The following HMGXB4 variants were observed in gnomAD, a reference collection of about 807,000 sequenced individuals.
HMGXB4 encodes the protein HMG-box containing 4.
A neutral mutation model predicts 63.9 loss-of-function variants in HMGXB4; 27 were observed. The ratio of observed to expected loss-of-function variants is 0.42; its 90% confidence interval spans 0.31 to 0.58. HMGXB4 has a LOEUF of 0.58. HMGXB4 is among the 20% of genes least tolerant of loss of function. The probability of loss-of-function intolerance (pLI) is 0.13; values close to 1 mark genes in which losing one functional copy is unlikely to be tolerated. For missense variants in HMGXB4, 624 were observed against 700.7 expected, an observed-to-expected ratio of 0.89 and a Z score of 1.24; for synonymous variants, 264 against 265.3, an observed-to-expected ratio of 0.99 and a Z score of 0.05.
the HMGXB4 span, among the ~76,000 whole-genome samples, chr22:35,252,011 T>TA: frequency 6.6e-5 from 10 of 152,154 alleles, no homozygotes; most frequent in African/African-American, 2.2e-4. Context: ...GGTCAGGAGT[T>TA]AGAGACCAGC....
At chr22:35,291,303 G>A (rs181002212) in intron 9 of HMGXB4, among the ~76,000 whole-genome samples, 15 of 152,054 alleles carry the variant, frequency 9.9e-5, no homozygotes, top group African/African-American at 2.7e-4. Context: ...TGTGTGTGGC[G>A]TGTGGTGTGT....
intron 5 of HMGXB4, among the ~76,000 whole-genome samples, chr22:35,266,288 T>C (rs1266883881): frequency 1.3e-5 from 2 of 152,192 alleles, no homozygotes; most frequent in Non-Finnish European, 2.9e-5. Flanking sequence ...ACTATCAAAA[T>C]TGGTAGAACA....
intron 5 of HMGXB4, among the ~76,000 whole-genome samples, chr22:35,280,847 G>T (rs929248964): frequency 4.6e-5 from 7 of 152,066 alleles, no homozygotes; most frequent in African/African-American, 1.7e-4. Context: ...CCAACTCTCT[G>T]GTTTAGATTA....
chr22:35,283,769 G>A (rs1392889733), intron 5 of HMGXB4, among the ~76,000 whole-genome samples, 193 bp from the exon 6 acceptor site: 3 of 148,842 alleles, frequency 2.0e-5, no homozygotes, highest in Non-Finnish European at 4.5e-5. Context: ...CAGCCTGGGC[G>A]ACAGAGTGAG....
At chr22:35,260,312 AAATCTATAT>A (rs555286671) in intron 1 of HMGXB4, among the ~76,000 whole-genome samples, 33 of 152,242 alleles carry the variant, frequency 2.2e-4, no homozygotes, top group Non-Finnish European at 4.3e-4. Flanking sequence ...CAGCCTATGA[AAATCTATAT>A]AATCTATATA....
At chr22:35,274,522 A>G (rs1185283858) in intron 5 of HMGXB4, among the ~76,000 whole-genome samples, 2 of 152,202 alleles carry the variant, frequency 1.3e-5, no homozygotes, top group African/African-American at 4.8e-5. Context: ...TTTATCTACT[A>G]TGTATCACTG....
chr22:35,256,875 G>T (rs1922437309), upstream of HMGXB4, among the ~76,000 whole-genome samples: 1 of 152,170 alleles, frequency 6.6e-6, no homozygotes, highest in Admixed American at 6.5e-5. Flanking sequence ...TGGCAAATCA[G>T]AAAAATTGTG....
rs138496840 is a variant in HMGXB4 at position 35,259,222 on chromosome 22, G to GT, written c.-69+1671dup. ...ATAAGTATACATTTTTATGGTACCA[G>GT]TTTTTTACTTGTATCAACAGTATGA... On this transcript the variant is annotated intron_variant, in intron 1 of 10. Coordinates refer to ENST00000216106, the MANE Select transcript of HMGXB4 (RefSeq NM_001003681.3). Among the ~76,000 whole-genome samples the GT allele has an allele frequency of 9.4e-4, 143 of 152,240 alleles. 2 individuals carry two copies. The East Asian group carries it at 0.027, about 29-fold the overall frequency.
At chr22:35,253,606 C>CGT (rs1438122092), upstream of HMGXB4, among the ~76,000 whole-genome samples, 2 of 149,238 alleles carry the variant, frequency 1.3e-5, no homozygotes, top group East Asian at 3.9e-4. Context: ...TTTGTGCGCG[C>CGT]GCGCGCGCGC....
Position 35,265,579 on chromosome 22 carries a change from C to T in HMGXB4, c.1191C>T (p.Asp397=). 1.3e-6 allele frequency: 2 copies of T among 1,590,808 alleles called. No homozygotes were observed. The highest frequency in any genetic ancestry group is 1.7e-6 in the Non-Finnish European group (2 of 1,170,790). Residue 397 remains aspartate, a synonymous_variant, in exon 5 of 11, where the codon GAC becomes GAT. Coordinates refer to ENST00000216106, the MANE Select transcript of HMGXB4 (RefSeq NM_001003681.3). ...AAAAAAAGAAAAAAGAAGAGAAGGA[C>T]AAAGAGAGAGAGAGAGGAGAAAAGG... ...SEKKKKKEEK[D]KERERGEKPK... is the part of the protein sequence containing the mutation.
chr22:35,274,064 C>G (rs1049932909), intron 5 of HMGXB4, among the ~76,000 whole-genome samples: 1 of 152,206 alleles, frequency 6.6e-6, no homozygotes, highest in African/African-American at 2.4e-5. Context: ...GATGAAGATA[C>G]AGTGTCTGCT....
At chr22:35,247,443 A>G in the HMGXB4 span, among the ~76,000 whole-genome samples, 4 of 152,068 alleles carry the variant, frequency 2.6e-5, no homozygotes, top group Non-Finnish European at 5.9e-5. Context: ...GCTGATCACT[A>G]TTTGCTGAAG....
intron 9 of HMGXB4, among the ~76,000 whole-genome samples, chr22:35,291,925 A>C (rs915447254): frequency 8.5e-5 from 13 of 152,144 alleles, no homozygotes; most frequent in Non-Finnish European, 1.9e-4. Flanking sequence ...GTTGACAAGG[A>C]GGATGAGGGA....
intron 1 of HMGXB4, 125 bp from the exon 2 acceptor site, chr22:35,262,198 A>G: frequency 1.6e-6 from 1 of 633,126 alleles, no homozygotes; most frequent in Non-Finnish European, 2.8e-6. Context: ...AGGAGGTGAC[A>G]AGACACTTTT....
At position 35,295,413 on chromosome 22, in the gene HMGXB4, C is replaced by T. The variant is rs1394710392; in HGVS notation, c.*1762C>T. 6.6e-6 allele frequency: 1 copy of T among 152,536 alleles called. No homozygotes were observed. The highest frequency in any genetic ancestry group is 1.9e-4 in the East Asian group (1 of 5,200). 9.4% of individuals were successfully genotyped at this position (152,536 alleles called of 1,614,324 possible). ...GTTAGAACATTGTACCATGCCTCTT[C>T]TGTATCTGTGGAAGTTTCCTGTTTG... On this transcript the variant is annotated 3_prime_UTR_variant, in exon 11 of 11. Transcript: ENST00000216106.
chr22:35,258,403 A>G (rs1463746927), intron 1 of HMGXB4: 1 of 152,168 alleles, frequency 6.6e-6, no homozygotes, highest in Non-Finnish European at 1.5e-5. Flanking sequence ...AAAAAACTGA[A>G]TCCCAAATAA....
intron 3 of HMGXB4, among the ~76,000 whole-genome samples, 198 bp from the exon 4 acceptor site, chr22:35,263,598 C>G (rs1308099779): frequency 6.6e-6 from 1 of 152,192 alleles, no homozygotes; most frequent in Non-Finnish European, 1.5e-5. Flanking sequence ...TAAACTACTT[C>G]TTACCATATT....
intron 2 of HMGXB4, chr22:35,262,738 A>G: frequency 1.9e-6 from 1 of 518,890 alleles, no homozygotes; most frequent in Non-Finnish European, 3.4e-6. Flanking sequence ...GGACTCCCAC[A>G]GAGAGCAGCA....
intron 4 of HMGXB4, chr22:35,264,156 TCC>T (rs1923043269): frequency 9.0e-7 from 1 of 1,112,494 alleles, no homozygotes; most frequent in Non-Finnish European, 1.3e-6. Flanking sequence ...TTATCTAGCA[TCC>T]CTTTTGCCAT....
Sources: allele counts gnomAD v4.1 joint callset (sites outside exome capture counted in the v4.1 genomes callset), GRCh38; gene constraint gnomAD v4.1.1; transcripts MANE v1.5; gene names NCBI Gene and HGNC (gene_info 2026-07-23, HGNC 2026-07-21).